The following VAV3 variants were observed in gnomAD, a reference collection of about 807,000 sequenced individuals.
VAV3 encodes guanine nucleotide exchange factor VAV3.
Under a neutral mutation model 131.2 loss-of-function variants are expected in VAV3, and 94 were observed. The observed-to-expected ratio is 0.72, with a 90% confidence interval of 0.61 to 0.85. The LOEUF is 0.85. Ranked by LOEUF, VAV3 falls within the 40% of genes least tolerant of loss-of-function variation. VAV3 has a pLI of 0.00. For synonymous variants in VAV3, 349 were observed against 342.0 expected (o/e 1.02, Z -0.22); for missense variants, 939 against 1,002.7 (o/e 0.94, Z 0.86).
At position 107,608,668 on chromosome 1, in the gene VAV3, A is replaced by AGGTG. The variant is rs574008561; in HGVS notation, c.2015+1259_2015+1262dup. ...GGCAGAGTGACTGCCAGAGGAGGGA[A>AGGTG]GGTGGAGGAGGGCCCGAGGAGAGTC... is the stretch of plus-strand genomic sequence containing the variant. On this transcript the variant is annotated intron_variant, in intron 22 of 26. Transcript: ENST00000370056. Among the ~76,000 whole-genome samples, 362 of 152,308 alleles carry AGGTG rather than the reference A, an allele frequency of 2.4e-3. 1 individual carries two copies. The highest frequency in any genetic ancestry group is 3.4e-3 in the Middle Eastern group (1 of 294).
chr1:107,723,595 G>A (rs549500910), intron 15 of VAV3, among the ~76,000 whole-genome samples: 174 of 122,604 alleles, frequency 1.4e-3, no homozygotes, highest in African/African-American at 4.7e-3. Context: ...TTAGATCACA[G>A]GGCACAAAAC....
rs1651997375 is a variant in VAV3 at position 107,603,143 on chromosome 1, CT to C, written c.2035del (p.Arg679AspfsTer12). On this transcript the variant is annotated frameshift_variant, in exon 23 of 27. Coordinates refer to ENST00000370056, the MANE Select transcript of VAV3 (RefSeq NM_006113.5). LOFTEE classifies it high-confidence loss of function. The part of the protein sequence containing the change: ...CQPWYAGAME[R>X]LQAETELINR... ...AATAAGTTCGGTCTCTGCTTGCAATCTTTCCATTGCTCCAGCATACCTGTAA... is the reference window on the plus strand; with the variant it reads ...AATAAGTTCGGTCTCTGCTTGCAATCTTCCATTGCTCCAGCATACCTGTAA... The C allele has an allele frequency of 6.2e-7, 1 of 1,613,136 alleles. No homozygotes were observed. Among genetic ancestry groups the C allele is most frequent in the African/African-American group, 1.3e-5 (1 of 74,886 alleles).
intron 21 of VAV3, among the ~76,000 whole-genome samples, chr1:107,616,200 A>G (rs1180413394): frequency 2.6e-5 from 4 of 152,222 alleles, no homozygotes; most frequent in Admixed American, 6.5e-5. Context: ...CTAAATGCCC[A>G]TATGTTTCAG....
intron 21 of VAV3, among the ~76,000 whole-genome samples, chr1:107,615,666 A>C (rs1653098652): frequency 1.3e-5 from 2 of 152,212 alleles, no homozygotes. Context: ...CAGGCAACAT[A>C]GAGAATGGGA....
chr1:107,595,688 T>C (rs1178340716), intron 25 of VAV3, among the ~76,000 whole-genome samples: 1 of 152,202 alleles, frequency 6.6e-6, no homozygotes, highest in Non-Finnish European at 1.5e-5. Context: ...TGATTAGTTG[T>C]AGCACACAGC....
At chr1:107,806,351 T>C (rs1667058668) in intron 2 of VAV3, among the ~76,000 whole-genome samples, 1 of 152,120 alleles carries the variant, frequency 6.6e-6, no homozygotes, top group Admixed American at 6.5e-5. Context: ...GTCTACCATC[T>C]GCTTGGAGTG....
At chr1:107,624,000 G>A (rs1304062920) in intron 20 of VAV3, among the ~76,000 whole-genome samples, 5 of 152,022 alleles carry the variant, frequency 3.3e-5, no homozygotes, top group African/African-American at 1.2e-4. Flanking sequence ...TAATTGCATC[G>A]AGTCATCAAA....
chr1:107,773,738 C>T (rs1245242130), intron 4 of VAV3, among the ~76,000 whole-genome samples: 1 of 152,142 alleles, frequency 6.6e-6, no homozygotes, highest in East Asian at 1.9e-4. Flanking sequence ...GTTTAGGCGG[C>T]AATCTGGCCA....
At chr1:107,820,135 A>AT (rs1471495034) in intron 2 of VAV3, among the ~76,000 whole-genome samples, 2 of 152,208 alleles carry the variant, frequency 1.3e-5, no homozygotes, top group Non-Finnish European at 2.9e-5. Flanking sequence ...GGAAATCAGT[A>AT]TATCAAAGAG....
chr1:107,958,539 T>C lies in VAV3; in HGVS notation c.204+6127A>G, dbSNP rs111518583. On this transcript the variant is annotated intron_variant, in intron 1 of 26. Transcript: ENST00000370056. ...AAGGGCAACACTGTATGAAAACACA[T>C]GGCAATCAATGACTCTAAGTTCAAG... Among the ~76,000 whole-genome samples, 320 of 152,320 alleles carry C rather than the reference T, an allele frequency of 2.1e-3. 1 individual carries two copies. Among genetic ancestry groups the C allele is most frequent in the African/African-American group, 7.3e-3 (305 of 41,580 alleles).
chr1:107,841,228 G>C (rs1440085377), intron 2 of VAV3, among the ~76,000 whole-genome samples: 1 of 152,068 alleles, frequency 6.6e-6, no homozygotes, highest in Admixed American at 6.6e-5. Flanking sequence ...TAACATAGCA[G>C]TGAATACAGC....
chr1:107,605,747 G>A lies in VAV3; in HGVS notation c.2016-2584C>T, dbSNP rs1009003806. 8.5e-5 allele frequency among the ~76,000 whole-genome samples: 13 copies of A among 152,094 alleles called. 1 individual carries two copies. The East Asian group carries it at 2.5e-3, about 29-fold the overall frequency. Reference sequence around the variant, plus strand: ...AATTACCTTCAGGCTTTGTGTATAAGATATATATAAAACATAAATAAATTT... The same window carrying A: ...AATTACCTTCAGGCTTTGTGTATAAAATATATATAAAACATAAATAAATTT... On this transcript the variant is annotated intron_variant, in intron 22 of 26. Coordinates refer to ENST00000370056, the MANE Select transcript of VAV3 (RefSeq NM_006113.5).
chr1:107,798,630 A>T (rs910698202), intron 2 of VAV3, among the ~76,000 whole-genome samples: 1 of 150,116 alleles, frequency 6.7e-6, no homozygotes, highest in African/African-American at 2.5e-5. Flanking sequence ...GAGGCAGGAG[A>T]ATGGCGTGAA....
chr1:107,820,736 T>A (rs2102358859), intron 2 of VAV3: 1 of 152,236 alleles, frequency 6.6e-6, no homozygotes, highest in East Asian at 1.9e-4. Flanking sequence ...CCCATAAACA[T>A]ATGTACCAAC....
At chr1:107,737,386 A>G (rs539047331) in intron 15 of VAV3, among the ~76,000 whole-genome samples, 4 of 152,246 alleles carry the variant, frequency 2.6e-5, no homozygotes, top group Admixed American at 6.5e-5. Flanking sequence ...GCTTCTGCAC[A>G]GCAAAAGAAA....
chr1:107,584,818 T>C lies in VAV3; in HGVS notation c.2351-10620A>G, dbSNP rs982237599. Among the ~76,000 whole-genome samples the C allele has an allele frequency of 1.4e-4, 21 of 152,186 alleles. 2 individuals carry two copies. The highest frequency in any genetic ancestry group is 1.4e-3 in the Admixed American group (21 of 15,270). ...CAAACTAAGTATAAGGTCTTTCTTA[T>C]TGCTATGGAAAACTGCCTAGGGATT... On this transcript the variant is annotated intron_variant, in intron 25 of 26. Coordinates refer to ENST00000370056, the MANE Select transcript of VAV3 (RefSeq NM_006113.5).
intron 14 of VAV3, among the ~76,000 whole-genome samples, 172 bp from the exon 15 acceptor site, chr1:107,749,249 C>T (rs959085133): frequency 6.6e-6 from 1 of 152,090 alleles, no homozygotes; most frequent in Non-Finnish European, 1.5e-5. Context: ...ATGCCAAATG[C>T]GTTTTATTAT....
At chr1:107,851,136 C>A (rs1669203624) in intron 2 of VAV3, among the ~76,000 whole-genome samples, 1 of 138,372 alleles carries the variant, frequency 7.2e-6, no homozygotes, top group Non-Finnish European at 1.5e-5. Context: ...AGCGCCACTG[C>A]AGTCCAGCTT....
At position 107,749,478 on chromosome 1, in the gene VAV3, T is replaced by C. The variant is rs1426296728; in HGVS notation, c.1376A>G (p.Asp459Gly). 1.3e-6 allele frequency: 2 copies of C among 1,593,108 alleles called. No homozygotes were observed. The highest frequency in any genetic ancestry group is 2.2e-5 in the East Asian group (1 of 44,498). Residue 459 changes from aspartate to glycine, a missense_variant, in exon 14 of 27, where the codon GAT (aspartate) becomes GGT (glycine). Coordinates refer to ENST00000370056, the MANE Select transcript of VAV3 (RefSeq NM_006113.5). Reference protein sequence around the residue: ...QYKIANNPTTDKENKKWSYGF... With the variant: ...QYKIANNPTTGKENKKWSYGF... ...AAAAGTCACCTTTTTGTTTTCTTTA[T>C]CGGTTGTAGGATTATTGGCTATCTT... is the stretch of plus-strand genomic sequence containing the variant.
Sources: gnomAD v4.1 joint callset for allele counts (sites outside exome capture counted in the v4.1 genomes callset) on GRCh38, gnomAD v4.1.1 for gene constraint, MANE v1.5 for transcripts, NCBI Gene and HGNC (gene_info 2026-07-23, HGNC 2026-07-21) for gene names.